The following SVEP1 variants were observed in gnomAD, a reference collection of about 807,000 sequenced individuals.
SVEP1 encodes sushi, von Willebrand factor type A, EGF and pentraxin domain-containing protein 1.
A neutral mutation model predicts 367.3 loss-of-function variants in SVEP1; 164 were observed. The ratio of observed to expected loss-of-function variants is 0.45; its 90% CI spans 0.39 to 0.51. The LOEUF is 0.51. Among genes scored for constraint, SVEP1 ranks in the 20% least tolerant of loss-of-function variants. The pLI is 0.00. For synonymous variants in SVEP1, 1,666 were observed against 1,611.6 expected (o/e 1.03, Z -0.81); for missense variants, 4,117 against 4,425.3 (o/e 0.93, Z 1.98).
chr9:110,532,286 G>A (rs1588095526), intron 3 of SVEP1, among the ~76,000 whole-genome samples: 2 of 152,178 alleles, frequency 1.3e-5, no homozygotes, highest in East Asian at 3.8e-4. Context: ...CATATGGTAA[G>A]TGTGAACAGA....
At chr9:110,477,414 C>T (rs990797107) in intron 13 of SVEP1, among the ~76,000 whole-genome samples, 1 of 152,150 alleles carries the variant, frequency 6.6e-6, no homozygotes, top group African/African-American at 2.4e-5. Context: ...TTCCCCACAC[C>T]TGTACTACAC....
chr9:110,406,246 C>T lies in SVEP1; in HGVS notation c.9354G>A (p.Glu3118=), dbSNP rs1289365987. 6.2e-7 allele frequency: 1 copy of T among 1,613,714 alleles called. No individual in the cohort carries two copies. Among genetic ancestry groups the T allele is most frequent in the African/African-American group, 1.3e-5 (1 of 74,942 alleles). Residue 3118 remains glutamate, a synonymous_variant, in exon 38 of 48, where the codon GAG becomes GAA. Transcript: ENST00000374469. ...ACGGTGGGGACCCACAGGACAAGGG[C>T]TCACAGACTGGATAAGGCTGGCTCC... ...GVWSQPYPVC[E]PLSCGSPPSV...
chr9:110,531,891 T>C (rs1025861950), intron 3 of SVEP1, among the ~76,000 whole-genome samples: 1 of 152,194 alleles, frequency 6.6e-6, no homozygotes, highest in African/African-American at 2.4e-5. Flanking sequence ...ACAATCTTAG[T>C]AACCACATAA....
Position 110,385,751 on chromosome 9 carries a change from T to C in SVEP1, c.10237+147A>G, listed in dbSNP as rs1827511522. On this transcript the variant is annotated intron_variant, in intron 43 of 47. Coordinates refer to ENST00000374469, the MANE Select transcript of SVEP1 (RefSeq NM_153366.4). ...TTGAAATTCAAAGATTAAAAGAAAT[T>C]TACAAACATTAATGAGGAAGATGAT... 3 of 930,252 alleles carry C rather than the reference T, an allele frequency of 3.2e-6. No homozygotes were observed. The Admixed American group carries it at 1.2e-4, about 36-fold the overall frequency. 57.6% of individuals were successfully genotyped at this position (930,252 alleles called of 1,614,324 possible).
intron 3 of SVEP1, among the ~76,000 whole-genome samples, chr9:110,532,759 A>G (rs1322775533): frequency 2.0e-5 from 3 of 152,042 alleles, no homozygotes; most frequent in South Asian, 4.1e-4. Context: ...GCACTGTGGG[A>G]TGTCTAGCAG....
At chr9:110,503,682 G>A (rs1402917309) in intron 5 of SVEP1, among the ~76,000 whole-genome samples, 2 of 152,170 alleles carry the variant, frequency 1.3e-5, no homozygotes, top group African/African-American at 2.4e-5. Flanking sequence ...AATAGTGTTA[G>A]CCTCTGCAAA....
intron 18 of SVEP1, among the ~76,000 whole-genome samples, chr9:110,463,597 GAA>G (rs1263834806): frequency 1.4e-5 from 2 of 144,076 alleles, no homozygotes; most frequent in African/African-American, 5.1e-5. Flanking sequence ...AGGAAAGAAA[GAA>G]AGGAAGAAAA....
chr9:110,553,194 C>T lies in SVEP1; in HGVS notation c.532-3090G>A, dbSNP rs949840811. 5.3e-5 allele frequency among the ~76,000 whole-genome samples: 8 copies of T among 152,166 alleles called. 1 individual carries two copies. The highest frequency in any genetic ancestry group is 1.9e-4 in the African/African-American group (8 of 41,442). On this transcript the variant is annotated intron_variant, in intron 1 of 47. Transcript: ENST00000374469. ...GTAAGTATCTCTTCCTTTGCTGTAA[C>T]TTTGCCCAAGCCCCAGAGCTTCACG...
intron 10 of SVEP1, among the ~76,000 whole-genome samples, 192 bp from the exon 11 acceptor site, chr9:110,482,684 G>A (rs372565213): frequency 5.3e-5 from 8 of 152,042 alleles, no homozygotes; most frequent in African/African-American, 7.2e-5. Flanking sequence ...TTGCCACCAC[G>A]CCCAGCTAAT....
chr9:110,494,287 A>G (rs544129710), intron 8 of SVEP1, among the ~76,000 whole-genome samples: 96 of 152,288 alleles, frequency 6.3e-4, no homozygotes, highest in Admixed American at 2.5e-3. Context: ...AAGGGGGAAA[A>G]TAGCATCAAT....
At chr9:110,482,598 C>T (rs1458697090) in intron 10 of SVEP1, 106 bp from the exon 11 acceptor site, 1 of 1,299,324 alleles carries the variant, frequency 7.7e-7, no homozygotes, top group Admixed American at 2.4e-5. Flanking sequence ...ATGATCTCGG[C>T]TCACTGCAAC....
intron 36 of SVEP1, among the ~76,000 whole-genome samples, chr9:110,416,897 A>T (rs186659742): frequency 6.6e-6 from 1 of 152,034 alleles, no homozygotes; most frequent in African/African-American, 2.4e-5. Context: ...CATTTTTCCT[A>T]GATTCTAACT....
chr9:110,452,741 G>A (rs1236515541), intron 22 of SVEP1, among the ~76,000 whole-genome samples: 1 of 152,146 alleles, frequency 6.6e-6, no homozygotes, highest in Non-Finnish European at 1.5e-5. Flanking sequence ...CTGTTGTTGA[G>A]GTAAAATAGG....
chr9:110,366,700 G>A (rs1192566472), intron 47 of SVEP1, 140 bp from the exon 48 acceptor site: 1 of 720,258 alleles, frequency 1.4e-6, no homozygotes, highest in African/African-American at 1.8e-5. Context: ...TATACGGATG[G>A]GGGTCATTCT....
chr9:110,509,741 T>A (rs746289708), intron 5 of SVEP1, among the ~76,000 whole-genome samples: 7 of 152,180 alleles, frequency 4.6e-5, no homozygotes, highest in Non-Finnish European at 1.0e-4. Flanking sequence ...TCAATGTACA[T>A]CAACGTATAC....
intron 24 of SVEP1, among the ~76,000 whole-genome samples, chr9:110,447,540 T>A (rs1828621994): frequency 6.6e-6 from 1 of 152,224 alleles, no homozygotes; most frequent in Non-Finnish European, 1.5e-5. Flanking sequence ...CTCTTTTTCT[T>A]AATCAGGATG....
intron 38 of SVEP1, 66 bp downstream of exon 38, chr9:110,406,093 TG>T (rs1827949672): frequency 6.7e-7 from 1 of 1,494,286 alleles, no homozygotes; most frequent in Non-Finnish European, 8.9e-7. Context: ...GCAAAATTTT[TG>T]ATCGATCACA....
At chr9:110,404,008 CAT>C (rs1346560311) in intron 39 of SVEP1, among the ~76,000 whole-genome samples, 2 of 152,042 alleles carry the variant, frequency 1.3e-5, no homozygotes, top group Non-Finnish European at 2.9e-5. Flanking sequence ...AAACTGGAAA[CAT>C]ATTGGGCATA....
At chr9:110,397,945 C>T (rs181070018) in intron 40 of SVEP1, among the ~76,000 whole-genome samples, 2 of 150,762 alleles carry the variant, frequency 1.3e-5, no homozygotes, top group Non-Finnish European at 3.0e-5. Context: ...TCAATGCCAT[C>T]CCCATCGAGC....
Sources: allele counts gnomAD v4.1 joint callset (sites outside exome capture counted in the v4.1 genomes callset), GRCh38; gene constraint gnomAD v4.1.1; transcripts MANE v1.5; gene names NCBI Gene and HGNC (gene_info 2026-07-23, HGNC 2026-07-21).